The following ZNF831 variants were observed in gnomAD, a reference collection of about 807,000 sequenced individuals.
ZNF831 encodes zinc finger protein 831, also known as chromosome 20 open reading frame 174.
ZNF831 carries 59 observed loss-of-function variants against 95.8 expected under a neutral mutation model. The ratio of observed to expected loss-of-function variants is 0.62; its 90% CI spans 0.50 to 0.77. ZNF831 has a LOEUF of 0.77. Among genes scored for constraint, ZNF831 ranks in the 30% least tolerant of loss-of-function variants. ZNF831 has a pLI of 0.00. For missense variants in ZNF831, 2,205 were observed against 2,164.0 expected, an observed-to-expected ratio of 1.02 and a Z score of -0.38; for synonymous variants, 961 against 925.5, an observed-to-expected ratio of 1.04 and a Z score of -0.70.
intron 2 of ZNF831, among the ~76,000 whole-genome samples, chr20:59,158,626 T>C (rs1301300789): frequency 6.6e-6 from 1 of 152,232 alleles, no homozygotes; most frequent in African/African-American, 2.4e-5. Flanking sequence ...TTGTTCAAAG[T>C]ATCAGACCAT....
intron 3 of ZNF831, among the ~76,000 whole-genome samples, chr20:59,199,726 A>G (rs993649016): frequency 1.3e-5 from 2 of 152,144 alleles, no homozygotes; most frequent in East Asian, 1.9e-4. Context: ...TGCCTGTTAT[A>G]TATACTGCAA....
intron 4 of ZNF831, among the ~76,000 whole-genome samples, chr20:59,236,909 G>T (rs1987030539): frequency 6.6e-6 from 1 of 152,102 alleles, no homozygotes; most frequent in South Asian, 2.1e-4. Flanking sequence ...TGAGGGAGAA[G>T]TTATGAGCAT....
At chr20:59,163,565 C>A (rs982324863), upstream of ZNF831, among the ~76,000 whole-genome samples, 1 of 152,156 alleles carries the variant, frequency 6.6e-6, no homozygotes, top group Non-Finnish European at 1.5e-5. Flanking sequence ...GGAAAACGAC[C>A]ACCTAGGCTC....
chr20:59,246,086 C>A (rs755163180), intron 4 of ZNF831, among the ~76,000 whole-genome samples: 2 of 152,152 alleles, frequency 1.3e-5, no homozygotes, highest in Non-Finnish European at 2.9e-5. Context: ...GGCCAGCTCA[C>A]CTCTCCCTCC....
intron 1 of ZNF831, among the ~76,000 whole-genome samples, chr20:59,144,632 T>A (rs1449100320): frequency 6.6e-6 from 1 of 152,216 alleles, no homozygotes; most frequent in Non-Finnish European, 1.5e-5. Flanking sequence ...GTTGGCGTGC[T>A]GTGGAGGGTC....
Position 59,192,661 on chromosome 20 carries a change from C to A in ZNF831, c.1642C>A (p.Leu548Ile), listed in dbSNP as rs760066004. ...AGCCCGCCTGGGCTGCCGCTCGGGA[C>A]TAAGCTCGACTGACGTTCCCAGTGG... ...GPARLGCRSGLSSTDVPSGHP... is the reference protein window; with the variant it reads ...GPARLGCRSGISSTDVPSGHP... The change falls in exon 2 of 6, where the codon CTA becomes ATA. Residue 548 changes from leucine to isoleucine, a missense_variant. Transcript: ENST00000371030. The surrounding 1 kb of genome is among the most constrained non-coding windows in gnomAD (Gnocchi z 5.2). 6.5e-7 allele frequency: 1 copy of A among 1,531,786 alleles called. No homozygotes were observed. The highest frequency in any genetic ancestry group is 1.3e-5 in the South Asian group (1 of 79,868). 94.9% of individuals were successfully genotyped at this position (1,531,786 alleles called of 1,614,324 possible).
intron 3 of ZNF831, among the ~76,000 whole-genome samples, chr20:59,200,090 CT>C (rs1479826290): frequency 4.6e-5 from 7 of 152,170 alleles, no homozygotes; most frequent in Non-Finnish European, 1.0e-4. Context: ...ACTCATCTGT[CT>C]TTTGAAAGTC....
At chr20:59,216,632 G>A (rs1216138083) in intron 4 of ZNF831, among the ~76,000 whole-genome samples, 2 of 152,150 alleles carry the variant, frequency 1.3e-5, no homozygotes, top group African/African-American at 4.8e-5. Flanking sequence ...CAGGGTGAGT[G>A]GGGGACAGGC....
rs1985049080 is a variant in ZNF831 at position 59,208,310 on chromosome 20, T to C, written c.4027+1254T>C. Among the ~76,000 whole-genome samples, 1 of 152,182 alleles carries C rather than the reference T, an allele frequency of 6.6e-6. No homozygotes were observed. The highest frequency in any genetic ancestry group is 6.5e-5 in the Admixed American group (1 of 15,288). Reference sequence around the variant, plus strand: ...CTGTGCTTGATACTGCCACGCCCCATGGAGGGCATCTCAGGGCTAAATGCT... The same window carrying C: ...CTGTGCTTGATACTGCCACGCCCCACGGAGGGCATCTCAGGGCTAAATGCT... On this transcript the variant is annotated intron_variant, in intron 4 of 5. Coordinates refer to ENST00000371030, the MANE Select transcript of ZNF831 (RefSeq NM_178457.3). The surrounding 1 kb of genome is among the most constrained non-coding windows in gnomAD (Gnocchi z 4.2).
Position 59,206,941 on chromosome 20 carries a change from G to A in ZNF831, c.3912G>A (p.Leu1304=), listed in dbSNP as rs372336686. Residue 1304 remains leucine (L), a synonymous_variant, in exon 4 of 6, where the codon CTG becomes CTA. Transcript: ENST00000371030. ...ATTTCTTGCAGAGCTGTGTTCAGCT[G>A]AGAGCCAGTAGACTTCGCACACCAA... is the stretch of plus-strand genomic sequence containing the variant. ...KGNFLQSCVQ[L]RASRLRTPTW... 6.2e-7 allele frequency: 1 copy of A among 1,614,196 alleles called. No homozygotes were observed. Among genetic ancestry groups the A allele is most frequent in the Admixed American group, 1.7e-5 (1 of 60,018 alleles).
chr20:59,239,910 T>C (rs1204952848), intron 4 of ZNF831, among the ~76,000 whole-genome samples: 1 of 152,202 alleles, frequency 6.6e-6, no homozygotes. Flanking sequence ...CAGCACAGTC[T>C]TACTTCTCCA....
At chr20:59,174,498 A>G (rs1290604747) in intron 1 of ZNF831, among the ~76,000 whole-genome samples, 1 of 152,212 alleles carries the variant, frequency 6.6e-6, no homozygotes, top group Non-Finnish European at 1.5e-5. Flanking sequence ...TTTCCTTTAC[A>G]TACATTTAGA....
At chr20:59,173,652 C>T (rs1389659552) in intron 1 of ZNF831, among the ~76,000 whole-genome samples, 1 of 152,144 alleles carries the variant, frequency 6.6e-6, no homozygotes, top group Non-Finnish European at 1.5e-5. Context: ...ACAAGAGTCA[C>T]ATTTCTCATT....
In ZNF831 at chr20:59,191,699, A is replaced by G. The variant is rs1451632518; in HGVS notation, c.680A>G (p.Glu227Gly). 6.4e-7 allele frequency: 1 copy of G among 1,563,146 alleles called. No homozygotes were observed. The highest frequency in any genetic ancestry group is 1.8e-5 in the Admixed American group (1 of 54,814). ...AAGGCCGGAGAGCCCCCCAGACCAG[A>G]GGGCAGGGGCGAGAGCAGGTGCCAG... ...GDKAGEPPRP[E>G]GRGESRCQGM... Residue 227 changes from glutamate to glycine, a missense_variant, in exon 2 of 6, where the codon GAG becomes GGG. Transcript: ENST00000371030.
intron 4 of ZNF831, among the ~76,000 whole-genome samples, chr20:59,239,505 T>G (rs1431021539): frequency 6.6e-6 from 1 of 152,050 alleles, no homozygotes; most frequent in African/African-American, 2.4e-5. Context: ...TATGTGACTT[T>G]CATTTTACAT....
At chr20:59,160,972 A>G (rs1980818545), upstream of ZNF831, 1 of 152,160 alleles carries the variant, frequency 6.6e-6, no homozygotes. Context: ...AATTCTTTGG[A>G]AATGATTTTT....
In ZNF831 at chr20:59,236,349, G is replaced by A. The variant is rs532452369; in HGVS notation, c.4028-16629G>A. On this transcript the variant is annotated intron_variant, in intron 4 of 5. Coordinates refer to ENST00000371030, the MANE Select transcript of ZNF831 (RefSeq NM_178457.3). The stretch of plus-strand genomic sequence containing the variant: ...CAGGTACAGAGGACAAATGAATATA[G>A]AAGGGTCTTCCTGGCTTGCTTGATT... Among the ~76,000 whole-genome samples, 12 of 152,290 alleles carry A rather than the reference G, an allele frequency of 7.9e-5. No individual in the cohort carries two copies. In the South Asian group the frequency reaches 2.5e-3, roughly 32 times the overall value.
In ZNF831 at chr20:59,191,092, G is replaced by T. The variant is rs2146542456; in HGVS notation, c.73G>T (p.Gly25Trp). The T allele has an allele frequency of 6.5e-7, 1 of 1,548,836 alleles. No individual in the cohort carries two copies. Among genetic ancestry groups the T allele is most frequent in the Non-Finnish European group, 8.7e-7 (1 of 1,154,860 alleles). The change falls in exon 2 of 6, where the codon GGG becomes TGG. Residue 25 changes from glycine (G) to tryptophan (W), a missense_variant. Gly to Trp is a radical substitution (Grantham distance 184). Coordinates refer to ENST00000371030, the MANE Select transcript of ZNF831 (RefSeq NM_178457.3). ...GCCAGCTCCCACTCCTGGCCCTCCAGGGGCCCCAGGTGGCCAGGCCTCACC... is the reference window on the plus strand; with the variant it reads ...GCCAGCTCCCACTCCTGGCCCTCCATGGGCCCCAGGTGGCCAGGCCTCACC... ...DQPAPTPGPP[G>W]APGGQASPHL...
chr20:59,138,522 T>C (rs762814439), intron 1 of ZNF831, among the ~76,000 whole-genome samples: 7 of 152,242 alleles, frequency 4.6e-5, no homozygotes, highest in Non-Finnish European at 8.8e-5. Flanking sequence ...GAGGTCATTG[T>C]TACTGTTGTT....
Sources: allele counts gnomAD v4.1 joint callset (sites outside exome capture counted in the v4.1 genomes callset), GRCh38; gene constraint gnomAD v4.1.1; non-coding constraint Gnocchi (gnomAD v3.1); transcripts MANE v1.5; gene names NCBI Gene and HGNC (gene_info 2026-07-23, HGNC 2026-07-21).